The following L3MBTL4 variants were observed in gnomAD, a reference collection of about 807,000 sequenced individuals.
L3MBTL4 encodes L3MBTL histone methyl-lysine binding protein 4, also known as lethal(3)malignant brain tumor-like protein 4.
In L3MBTL4, 70 loss-of-function variants were observed where a neutral mutation model predicts 84.5. The observed-to-expected ratio is 0.83, with a 90% CI of 0.68 to 1.01. L3MBTL4 has a LOEUF of 1.01. Among genes scored for constraint, L3MBTL4 ranks in the 50% least tolerant of loss-of-function variants. The pLI is 0.00. For missense variants in L3MBTL4, 715 were observed against 754.8 expected, an observed-to-expected ratio of 0.95 and a Z score of 0.62; for synonymous variants, 274 against 259.8, an observed-to-expected ratio of 1.05 and a Z score of -0.52.
At chr18:6,323,425 C>T (rs892189772) in intron 1 of L3MBTL4, among the ~76,000 whole-genome samples, 7 of 152,154 alleles carry the variant, frequency 4.6e-5, no homozygotes, top group African/African-American at 1.7e-4. Flanking sequence ...GACAAAAATG[C>T]TGATAGTGAT....
At chr18:5,978,908 G>A (rs1248453024) in intron 16 of L3MBTL4, among the ~76,000 whole-genome samples, 3 of 152,180 alleles carry the variant, frequency 2.0e-5, no homozygotes, top group Admixed American at 6.5e-5. Context: ...CCCACAACGG[G>A]AGGGGCAGGG....
At chr18:6,185,513 G>A (rs554103751) in intron 12 of L3MBTL4, among the ~76,000 whole-genome samples, 1 of 152,276 alleles carries the variant, frequency 6.6e-6, no homozygotes, top group South Asian at 2.1e-4. Context: ...TCCCACCGGA[G>A]GGTGGTGCTC....
At chr18:6,351,707 A>AC (rs1404541333) in intron 1 of L3MBTL4, among the ~76,000 whole-genome samples, 1 of 151,356 alleles carries the variant, frequency 6.6e-6, no homozygotes, top group African/African-American at 2.4e-5. Context: ...GCCTGCCACC[A>AC]CCCCCGGCTA....
rs370461352 is a variant in L3MBTL4 at position 6,311,548 on chromosome 18, T to C, written c.72+6A>G. 58 of 1,611,046 alleles carry C rather than the reference T, an allele frequency of 3.6e-5. No homozygotes were observed. Among genetic ancestry groups the C allele is most frequent in the Middle Eastern group, 1.8e-4 (1 of 5,626 alleles). On this transcript the variant is annotated splice_donor_region_variant and intron_variant, in intron 3 of 18. Transcript: ENST00000317931. ...GTGAGGAAGGGTCCAGGGATGGACA[T>C]CTTACCAAGCGTCCGTCCTGATCCA...
At chr18:6,086,178 A>G (rs952128266) in intron 15 of L3MBTL4, among the ~76,000 whole-genome samples, 5 of 152,142 alleles carry the variant, frequency 3.3e-5, no homozygotes, top group African/African-American at 1.2e-4. Context: ...AGAAATAATT[A>G]TTTTCAAACC....
intron 17 of L3MBTL4, among the ~76,000 whole-genome samples, chr18:5,963,008 T>A (rs200615080): frequency 6.6e-6 from 1 of 152,212 alleles, no homozygotes; most frequent in Non-Finnish European, 1.5e-5. Context: ...GGGGGCAACA[T>A]TGCCCCAGTT....
chr18:6,373,168 ACT>A (rs1488637427), intron 1 of L3MBTL4, among the ~76,000 whole-genome samples: 2 of 152,260 alleles, frequency 1.3e-5, no homozygotes, highest in East Asian at 1.9e-4. Context: ...TGAAGATGTG[ACT>A]CTGCAGATTC....
chr18:6,322,312 T>C (rs1016427857), intron 1 of L3MBTL4, among the ~76,000 whole-genome samples: 8 of 151,174 alleles, frequency 5.3e-5, no homozygotes, highest in African/African-American at 1.9e-4. Flanking sequence ...CACTCCATTC[T>C]GGGTGACAGA....
At chr18:6,336,708 C>T (rs1266584660) in intron 1 of L3MBTL4, among the ~76,000 whole-genome samples, 1 of 152,200 alleles carries the variant, frequency 6.6e-6, no homozygotes, top group African/African-American at 2.4e-5. Flanking sequence ...AAAGGGTGAA[C>T]TCTCTTGAGA....
chr18:6,177,945 A>C (rs747220311), intron 12 of L3MBTL4, among the ~76,000 whole-genome samples: 1 of 152,142 alleles, frequency 6.6e-6, no homozygotes, highest in Admixed American at 6.5e-5. Context: ...CAATTTTTTT[A>C]TGTTTCAAAA....
At chr18:6,133,333 TCACACACACA>T (rs71699994) in intron 14 of L3MBTL4, among the ~76,000 whole-genome samples, 1 of 146,694 alleles carries the variant, frequency 6.8e-6, no homozygotes, top group Non-Finnish European at 1.5e-5. Flanking sequence ...CAGCTCTAGA[TCACACACACA>T]CACACACACA....
Position 6,362,277 on chromosome 18 carries a change from AAAAG to A in L3MBTL4, c.-90-50225_-90-50222del, listed in dbSNP as rs1166736473. The stretch of plus-strand genomic sequence containing the variant: ...GAAAGGAAAGGAAAGGAAAAGAAGA[AAAAG>A]AAAGAAGAGAAAGAAAGAGGAAGAG... On this transcript the variant is annotated intron_variant, in intron 1 of 18. Transcript: ENST00000317931. Among the ~76,000 whole-genome samples the A allele has an allele frequency of 3.9e-5, 6 of 151,984 alleles. No homozygotes were observed. In the East Asian group the frequency reaches 7.7e-4, roughly 20 times the overall value.
chr18:6,166,966 T>C (rs1010262409), intron 13 of L3MBTL4, among the ~76,000 whole-genome samples: 1 of 151,970 alleles, frequency 6.6e-6, no homozygotes, highest in East Asian at 1.9e-4. Flanking sequence ...AAGAATCAAA[T>C]AGACGCAATA....
chr18:6,406,128 G>T (rs149636863), intron 1 of L3MBTL4, among the ~76,000 whole-genome samples: 15 of 152,316 alleles, frequency 9.8e-5, no homozygotes, highest in African/African-American at 3.6e-4. Context: ...TGCAAAATCT[G>T]GCTATGAAAA....
At chr18:6,182,490 G>A (rs1341609139) in intron 12 of L3MBTL4, among the ~76,000 whole-genome samples, 1 of 152,160 alleles carries the variant, frequency 6.6e-6, no homozygotes, top group Admixed American at 6.5e-5. Flanking sequence ...TCTGTAGGCT[G>A]TCCATTTACT....
intron 16 of L3MBTL4, among the ~76,000 whole-genome samples, chr18:6,058,434 G>A (rs1282295130): frequency 6.6e-6 from 1 of 152,024 alleles, no homozygotes; most frequent in Non-Finnish European, 1.5e-5. Flanking sequence ...GTACAAAACA[G>A]GCCTGTCTCC....
intron 16 of L3MBTL4, among the ~76,000 whole-genome samples, chr18:5,980,430 CTTTTTTTTT>C (rs10664833): frequency 8.1e-6 from 1 of 123,048 alleles, no homozygotes; most frequent in Non-Finnish European, 1.6e-5. Context: ...TTAGTTTGCG[CTTTTTTTTT>C]TTTTTTTTTG....
intron 14 of L3MBTL4, among the ~76,000 whole-genome samples, chr18:6,113,273 G>A (rs1392783915): frequency 1.3e-5 from 2 of 152,068 alleles, no homozygotes; most frequent in Non-Finnish European, 2.9e-5. Flanking sequence ...TATCTGATTA[G>A]TATTAAAGAC....
intron 12 of L3MBTL4, among the ~76,000 whole-genome samples, chr18:6,211,139 C>G (rs1450198550): frequency 1.3e-5 from 2 of 152,260 alleles, no homozygotes; most frequent in East Asian, 3.9e-4. Context: ...GAATTTGAAC[C>G]CAGATCAGTC....
Sources: allele counts gnomAD v4.1 joint callset (sites outside exome capture counted in the v4.1 genomes callset), GRCh38; gene constraint gnomAD v4.1.1; transcripts MANE v1.5; gene names NCBI Gene and HGNC (gene_info 2026-07-23, HGNC 2026-07-21).